Variants in POTEF observed in about 807,000 individuals in gnomAD.
POTEF encodes ANKRD26-like family C member 1B.
In POTEF, 20 loss-of-function variants were observed where a neutral mutation model predicts 83.2. The ratio of observed to expected loss-of-function variants is 0.24; its 90% CI spans 0.17 to 0.35. The LOEUF (loss-of-function observed/expected upper bound fraction) is 0.35, where lower values mean the gene tolerates loss of function less well. Among genes scored for constraint, POTEF ranks in the 10% least tolerant of loss-of-function variants. POTEF has a pLI of 1.00. For synonymous variants in POTEF, 196 were observed against 446.4 expected (o/e 0.44, Z 7.07); for missense variants, 550 against 1,203.2 (o/e 0.46, Z 8.03).
At position 130,085,839 on chromosome 2, in the gene POTEF, C is replaced by G. The variant is rs1683998928; in HGVS notation, c.1753G>C (p.Asp585His). ...SRTPESQQFPDTENEEYHSDE... is the reference protein window; with the variant it reads ...SRTPESQQFPHTENEEYHSDE... ...CTGTGATACTCTTCATTCTCAGTGT[C>G]AGGAAATTGCTGGCTTTCAGGTGTT... Residue 585 changes from aspartate to histidine, a missense_variant, in exon 15 of 17, where the codon GAC (aspartate) becomes CAC (histidine). Asp to His is a moderately conservative substitution (Grantham distance 81). Transcript: ENST00000409914. The G allele has an allele frequency of 2.2e-6, 2 of 896,498 alleles. 1 individual carries two copies. The highest frequency in any genetic ancestry group is 3.0e-6 in the Non-Finnish European group (2 of 671,064). 55.5% of individuals were successfully genotyped at this position (896,498 alleles called of 1,614,324 possible).
intron 7 of POTEF, 76 bp from the exon 8 acceptor site, chr2:130,108,155 T>TA (rs1363473466): frequency 6.7e-7 from 1 of 1,498,242 alleles, no homozygotes; most frequent in Non-Finnish European, 9.0e-7. Context: ...GTAGAATTAT[T>TA]AAGAGTATTT....
intron 11 of POTEF, among the ~76,000 whole-genome samples, chr2:130,094,948 T>G (rs1355445712): frequency 1.4e-4 from 21 of 150,734 alleles, no homozygotes; most frequent in Non-Finnish European, 2.9e-5. Context: ...AGAATGTAGC[T>G]TATTACAAAG....
Position 130,107,726 on chromosome 2 carries a change from T to C in POTEF, c.1126+283A>G, listed in dbSNP as rs574562411. 75 of 403,954 alleles carry C rather than the reference T, an allele frequency of 1.9e-4. 1 individual carries two copies. In the East Asian group the frequency reaches 3.8e-3, roughly 20 times the overall value. The allele number at this position is 403,954 out of a possible 1,614,324, so 25.0% of individuals were successfully genotyped here. A position where few individuals can be genotyped will look rare whatever the true frequency, so the allele number is the denominator to read the frequency against. ...TGAGAATCTAATGCCTGATGATCTG[T>C]CACTGTCTCACTTTGCCCCCAGATG... On this transcript the variant is annotated intron_variant, in intron 8 of 16. Coordinates refer to ENST00000409914, the MANE Select transcript of POTEF (RefSeq NM_001099771.2).
chr2:130,119,343 T>C (rs1684936694), intron 3 of POTEF, among the ~76,000 whole-genome samples: 2 of 151,950 alleles, frequency 1.3e-5, no homozygotes, highest in African/African-American at 2.4e-5. Context: ...TTTTTTATAT[T>C]TTTTAGTAGA....
Position 130,120,550 on chromosome 2 carries a change from C to G in POTEF, c.-35G>C, listed in dbSNP as rs1684974383. The G allele has an allele frequency of 1.2e-6, 2 of 1,610,434 alleles. No individual in the cohort carries two copies. Among genetic ancestry groups the G allele is most frequent in the Admixed American group, 3.3e-5 (2 of 59,960 alleles). On this transcript the variant is annotated 5_prime_UTR_variant, in exon 3 of 17. Coordinates refer to ENST00000409914, the MANE Select transcript of POTEF (RefSeq NM_001099771.2). ...ACAGCCAGGAGAAGCCAGTAGTAGC[C>G]AACAGATCGCGTCTACCAACCAGTT...
intron 1 of POTEF, among the ~76,000 whole-genome samples, chr2:130,128,510 C>T (rs3856374): frequency 2.2e-5 from 2 of 92,702 alleles, no homozygotes; most frequent in Non-Finnish European, 2.2e-5. Flanking sequence ...AGCACACCCA[C>T]CACACCCTGT....
intron 11 of POTEF, among the ~76,000 whole-genome samples, chr2:130,098,692 AATG>A (rs777501355): frequency 7.3e-6 from 1 of 137,614 alleles, no homozygotes; most frequent in Non-Finnish European, 1.5e-5. Flanking sequence ...TACTTTTGAT[AATG>A]ATAATTTCCT....
At chr2:130,104,134 A>G (rs1684449167) in intron 8 of POTEF, among the ~76,000 whole-genome samples, 1 of 150,738 alleles carries the variant, frequency 6.6e-6, no homozygotes. Flanking sequence ...AGATGATACT[A>G]TGTAGCAATT....
At chr2:130,126,830 G>A (rs1685102269) in intron 2 of POTEF, among the ~76,000 whole-genome samples, 1 of 151,848 alleles carries the variant, frequency 6.6e-6, no homozygotes, top group Non-Finnish European at 1.5e-5. Flanking sequence ...AACAAAAAGA[G>A]GAGGAGAAAC....
chr2:130,120,865 A>G, intron 2 of POTEF: 3 of 370,930 alleles, frequency 8.1e-6, no homozygotes, highest in South Asian at 7.7e-5. Context: ...ACGTCAATCC[A>G]AGCAGGAAAC....
chr2:130,100,402 TAA>T (rs1458395211), intron 10 of POTEF, among the ~76,000 whole-genome samples: 1 of 83,720 alleles, frequency 1.2e-5, no homozygotes, highest in African/African-American at 4.9e-5. Flanking sequence ...CCAAGAAAGA[TAA>T]AATGATTGGT....
intron 2 of POTEF, 99 bp from the exon 3 acceptor site, chr2:130,120,707 G>A (rs1160857607): frequency 2.1e-5 from 18 of 849,694 alleles, no homozygotes; most frequent in African/African-American, 6.5e-5. Context: ...ACACCCACCC[G>A]AGGAAAGCCC....
chr2:130,114,467 G>A lies in POTEF; in HGVS notation c.810+414C>T, dbSNP rs1478362962. ...GGCGCATCACCTCGTATCTATTACT[G>A]TTTTTTAGGAACTTGCCAAAGGAGC... is the stretch of plus-strand genomic sequence containing the variant. On this transcript the variant is annotated intron_variant, in intron 5 of 16. Transcript: ENST00000409914. 4.8e-5 allele frequency among the ~76,000 whole-genome samples: 7 copies of A among 145,494 alleles called. No individual in the cohort carries two copies. In the East Asian group the frequency reaches 1.4e-3, roughly 29 times the overall value.
intron 2 of POTEF, among the ~76,000 whole-genome samples, chr2:130,127,268 T>C (rs1485004631): frequency 8.1e-6 from 1 of 123,076 alleles, no homozygotes; most frequent in Non-Finnish European, 1.6e-5. Flanking sequence ...GAGCTTGCAG[T>C]GAGCCGAGAT....
intron 9 of POTEF, among the ~76,000 whole-genome samples, chr2:130,101,640 A>G (rs1204179076): frequency 2.0e-5 from 3 of 148,596 alleles, no homozygotes; most frequent in African/African-American, 7.8e-5. Flanking sequence ...CTCCTTAACC[A>G]TGAATCCAGC....
chr2:130,075,033 C>G lies in POTEF; in HGVS notation c.2439G>C (p.Lys813Asn). Residue 813 changes from lysine (K) to asparagine (N), a missense_variant, in exon 17 of 17, where the codon AAG becomes AAC. Coordinates refer to ENST00000409914, the MANE Select transcript of POTEF (RefSeq NM_001099771.2). ...TCTGGGTCATCTTCTCGCGGTTGGC[C>G]TTAGGGTTCAGGGTGGCCTCGGTCA... Reference protein sequence around the residue: ...VLLTEATLNPKANREKMTQIM... With the variant: ...VLLTEATLNPNANREKMTQIM... 1 of 1,613,698 alleles carries G rather than the reference C, an allele frequency of 6.2e-7. No individual in the cohort carries two copies. The highest frequency in any genetic ancestry group is 8.5e-7 in the Non-Finnish European group (1 of 1,179,942).
intron 2 of POTEF, among the ~76,000 whole-genome samples, chr2:130,125,937 C>T (rs548171991): frequency 8.6e-5 from 13 of 151,388 alleles, no homozygotes; most frequent in African/African-American, 2.9e-4. Context: ...ACAATTCTCC[C>T]GACTTCCTTT....
chr2:130,102,046 CTAA>C, intron 9 of POTEF, 61 bp downstream of exon 9: 2 of 1,389,682 alleles, frequency 1.4e-6, no homozygotes, highest in South Asian at 2.5e-5. Context: ...TTTGGACTAT[CTAA>C]TATTATTAAA....
chr2:130,116,373 G>A (rs968426266), intron 3 of POTEF, among the ~76,000 whole-genome samples: 1 of 148,428 alleles, frequency 6.7e-6, no homozygotes, highest in African/African-American at 2.5e-5. Context: ...AGGGGTACAC[G>A]TGCCAGATGT....
Sources: allele counts gnomAD v4.1 joint callset (sites outside exome capture counted in the v4.1 genomes callset), GRCh38; gene constraint gnomAD v4.1.1; transcripts MANE v1.5; gene names NCBI Gene and HGNC (gene_info 2026-07-23, HGNC 2026-07-21).